The following ENTREP2 variants were observed in gnomAD, a reference collection of about 807,000 sequenced individuals.
ENTREP2 encodes protein ENTREP2.
chr15:29,180,851 G>A, the ENTREP2 span, among the ~76,000 whole-genome samples: 1 of 151,956 alleles, frequency 6.6e-6, no homozygotes, highest in Non-Finnish European at 1.5e-5. Flanking sequence ...CTTAGCGTAT[G>A]CAGTTTGCCT....
chr15:29,217,020 A>G, the ENTREP2 span, among the ~76,000 whole-genome samples: 1 of 152,172 alleles, frequency 6.6e-6, no homozygotes, highest in African/African-American at 2.4e-5. Context: ...GGGGGGGTCT[A>G]GTTAAAACAA....
the ENTREP2 span, chr15:29,381,638 A>G: frequency 1.5e-6 from 1 of 688,904 alleles, no homozygotes; most frequent in South Asian, 1.8e-5. Flanking sequence ...AGCATTCAGC[A>G]GTGAGATTTT....
chr15:29,362,392 T>TTA, the ENTREP2 span, among the ~76,000 whole-genome samples: 2 of 142,906 alleles, frequency 1.4e-5, no homozygotes, highest in Admixed American at 7.0e-5. Context: ...TTTTTTTTTT[T>TTA]GAGACAGAGT....
chr15:29,443,483 G>C, the ENTREP2 span, among the ~76,000 whole-genome samples: 1 of 152,128 alleles, frequency 6.6e-6, no homozygotes, highest in Non-Finnish European at 1.5e-5. Flanking sequence ...TAGCCCACCA[G>C]GAAACCATGA....
the ENTREP2 span, among the ~76,000 whole-genome samples, chr15:29,650,860 G>A: frequency 2.6e-5 from 4 of 152,070 alleles, no homozygotes; most frequent in African/African-American, 9.7e-5. Flanking sequence ...ATAAAATGAA[G>A]TACAATACAT....
At chr15:29,245,242 A>G in the ENTREP2 span, among the ~76,000 whole-genome samples, 2 of 152,240 alleles carry the variant, frequency 1.3e-5, no homozygotes, top group African/African-American at 4.8e-5. Context: ...ACCTAGGACT[A>G]AATTTGAAAC....
At chr15:29,346,741 ATTAT>A in the ENTREP2 span, among the ~76,000 whole-genome samples, 1 of 152,178 alleles carries the variant, frequency 6.6e-6, no homozygotes, top group Non-Finnish European at 1.5e-5. Flanking sequence ...GATTTATGAC[ATTAT>A]TTAGTGAGTT....
chr15:29,544,802 A>G, the ENTREP2 span, among the ~76,000 whole-genome samples: 1 of 152,196 alleles, frequency 6.6e-6, no homozygotes, highest in African/African-American at 2.4e-5. Context: ...GGTGCCTCAC[A>G]GAAGCAATGT....
chr15:29,561,792 G>C, the ENTREP2 span, among the ~76,000 whole-genome samples: 1 of 152,082 alleles, frequency 6.6e-6, no homozygotes. Context: ...GGCTGGTTTG[G>C]GTGGCAATCA....
chr15:29,202,363 GAAAT>G, the ENTREP2 span, among the ~76,000 whole-genome samples: 1 of 151,796 alleles, frequency 6.6e-6, no homozygotes, highest in African/African-American at 2.4e-5. Flanking sequence ...TTTTAGTTGA[GAAAT>G]AATTCTATAT....
the ENTREP2 span, among the ~76,000 whole-genome samples, chr15:29,526,320 C>T: frequency 2.0e-5 from 3 of 152,272 alleles, no homozygotes; most frequent in East Asian, 1.9e-4. Context: ...GCTCCCCTCA[C>T]GCTTCTCAAA....
chr15:29,234,248 T>C, the ENTREP2 span: 14 of 1,612,370 alleles, frequency 8.7e-6, no homozygotes, highest in Non-Finnish European at 1.2e-5. Context: ...TTCTCTTCTC[T>C]CTTCCGCAGA....
At chr15:29,302,942 T>C in the ENTREP2 span, among the ~76,000 whole-genome samples, 1 of 152,320 alleles carries the variant, frequency 6.6e-6, no homozygotes, top group South Asian at 2.1e-4. Flanking sequence ...CTGAGGATCC[T>C]GATCCGGTTC....
the ENTREP2 span, among the ~76,000 whole-genome samples, chr15:29,667,860 G>A: frequency 6.6e-6 from 1 of 152,120 alleles, no homozygotes; most frequent in African/African-American, 2.4e-5. Flanking sequence ...TCCTATAGAT[G>A]TAGAGTCGCT....
the ENTREP2 span, among the ~76,000 whole-genome samples, chr15:29,282,599 A>T: frequency 6.6e-6 from 1 of 152,122 alleles, no homozygotes; most frequent in Non-Finnish European, 1.5e-5. Flanking sequence ...GTTTCCAGCA[A>T]GTCATCTCTT....
the ENTREP2 span, among the ~76,000 whole-genome samples, chr15:29,550,889 T>G: frequency 6.6e-6 from 1 of 152,020 alleles, no homozygotes; most frequent in Non-Finnish European, 1.5e-5. Flanking sequence ...CTTTACAGAT[T>G]AGGAGATTGA....
the ENTREP2 span, among the ~76,000 whole-genome samples, chr15:29,137,553 G>A: frequency 2.6e-5 from 4 of 152,130 alleles, no homozygotes; most frequent in South Asian, 4.1e-4. Context: ...ACGGCACTTC[G>A]GCTGGGTGTG....
At chr15:29,207,565 A>G in the ENTREP2 span, among the ~76,000 whole-genome samples, 1 of 152,066 alleles carries the variant, frequency 6.6e-6, no homozygotes, top group African/African-American at 2.4e-5. Context: ...TACTTTTAGA[A>G]TCCTGCTGAT....
the ENTREP2 span, among the ~76,000 whole-genome samples, chr15:29,306,341 G>C: frequency 6.6e-6 from 1 of 152,180 alleles, no homozygotes; most frequent in Non-Finnish European, 1.5e-5. Flanking sequence ...CCTAAATGTG[G>C]GGCATTGGGG....
Sources: allele counts gnomAD v4.1 joint callset (sites outside exome capture counted in the v4.1 genomes callset), GRCh38; gene constraint gnomAD v4.1.1; transcripts MANE v1.5; gene names NCBI Gene and HGNC (gene_info 2026-07-23, HGNC 2026-07-21).